HSDL1: variants seen among roughly 807,000 people sequenced by gnomAD.
HSDL1 encodes inactive hydroxysteroid dehydrogenase-like protein 1.
HSDL1 carries 29 observed loss-of-function variants against 31.5 expected under a neutral mutation model. The observed-to-expected ratio is 0.92, with a 90% CI of 0.69 to 1.26. The LOEUF is 1.26. Ranked by LOEUF, HSDL1 falls within the 50% of genes most tolerant of loss-of-function variation. The pLI is 0.00. For missense variants in HSDL1, 503 were observed against 416.6 expected (o/e 1.21, Z -1.81); for synonymous variants, 222 against 155.2 (o/e 1.43, Z -3.20).
intron 1 of HSDL1, among the ~76,000 whole-genome samples, chr16:84,140,908 G>T (rs1002511513): frequency 3.9e-5 from 6 of 151,940 alleles, no homozygotes; most frequent in African/African-American, 7.3e-5. Flanking sequence ...TCGAGACCAC[G>T]GTGAAACCCC....
At position 84,130,270 on chromosome 16, in the gene HSDL1, T is replaced by C. The variant is rs1274004478; in HGVS notation, c.382A>G (p.Ser128Gly). ...ETDIIVADFS[S>G]GREIYLPIRE... Reference sequence around the variant, plus strand: ...ATTGGAAGGTAGATCTCACGACCGCTGCTGAAGTCCGCAACTATAATATCA... The same window carrying C: ...ATTGGAAGGTAGATCTCACGACCGCCGCTGAAGTCCGCAACTATAATATCA... The change falls in exon 4 of 6, where the codon AGC becomes GGC. Residue 128 changes from serine to glycine, a missense_variant. Ser to Gly is a moderately conservative substitution (Grantham distance 56, BLOSUM62 0). Transcript: ENST00000219439. 1.2e-6 allele frequency: 2 copies of C among 1,614,136 alleles called. No homozygotes were observed. Among genetic ancestry groups the C allele is most frequent in the South Asian group, 2.2e-5 (2 of 91,092 alleles).
chr16:84,142,719 G>A (rs1393944568), intron 1 of HSDL1, among the ~76,000 whole-genome samples: 21 of 151,850 alleles, frequency 1.4e-4, no homozygotes, highest in Admixed American at 9.8e-4. Context: ...ACTGGGATGT[G>A]ACCGGCCGGA....
chr16:84,124,877 C>T (rs1255967318), intron 5 of HSDL1, 149 bp from the exon 6 acceptor site: 1 of 553,024 alleles, frequency 1.8e-6, no homozygotes, highest in African/African-American at 1.9e-5. Context: ...CAACAAATAC[C>T]CACCAATCAA....
intron 2 of HSDL1, among the ~76,000 whole-genome samples, chr16:84,131,817 C>A (rs1459165368): frequency 6.6e-6 from 1 of 152,094 alleles, no homozygotes; most frequent in Admixed American, 6.6e-5. Flanking sequence ...GTAGCTGGGA[C>A]TACAGGCGCC....
intron 1 of HSDL1, among the ~76,000 whole-genome samples, chr16:84,144,877 G>C (rs1315483081): frequency 6.6e-6 from 1 of 151,736 alleles, no homozygotes; most frequent in African/African-American, 2.4e-5. Flanking sequence ...GAGTCTCACG[G>C]GACGGAGGGA....
intron 1 of HSDL1, among the ~76,000 whole-genome samples, chr16:84,136,343 A>C (rs1293659525): frequency 1.3e-5 from 2 of 152,208 alleles, no homozygotes; most frequent in Non-Finnish European, 2.9e-5. Flanking sequence ...ACTGCATTGC[A>C]ACTGTTCTGT....
In HSDL1 at chr16:84,123,974, A is replaced by C. The variant is rs2086578625; in HGVS notation, c.*656T>G. ...GAAAAGGAATAATCTAGATTGTTTT[A>C]ATACCCTATAAGAGTCCATGTTAAG... is the stretch of plus-strand genomic sequence containing the variant. On this transcript the variant is annotated 3_prime_UTR_variant, in exon 6 of 6. Transcript: ENST00000219439. 1 of 152,224 alleles carries C rather than the reference A, an allele frequency of 6.6e-6. No individual in the cohort carries two copies. 9.4% of individuals were successfully genotyped at this position (152,224 alleles called of 1,614,324 possible).
chr16:84,140,174 A>G (rs1009569867), intron 1 of HSDL1, among the ~76,000 whole-genome samples: 7 of 152,068 alleles, frequency 4.6e-5, no homozygotes, highest in Non-Finnish European at 1.0e-4. Context: ...TAAACACTCA[A>G]CTTGCTTATA....
chr16:84,139,889 A>C (rs1156240192), intron 1 of HSDL1, among the ~76,000 whole-genome samples: 2 of 152,142 alleles, frequency 1.3e-5, no homozygotes, highest in Non-Finnish European at 2.9e-5. Flanking sequence ...TTCATTGATG[A>C]AAACATTTTT....
intron 1 of HSDL1, among the ~76,000 whole-genome samples, chr16:84,136,779 T>C (rs146333595): frequency 1.3e-5 from 2 of 152,328 alleles, no homozygotes; most frequent in East Asian, 3.9e-4. Flanking sequence ...TTATTGTTGC[T>C]ATGTATATTT....
intron 5 of HSDL1, among the ~76,000 whole-genome samples, chr16:84,126,407 C>T (rs1329404058): frequency 2.0e-5 from 3 of 152,098 alleles, no homozygotes; most frequent in Non-Finnish European, 4.4e-5. Flanking sequence ...GGTCGTCACA[C>T]TGGGAGTGGA....
In HSDL1 at chr16:84,124,643, G is replaced by C. The variant is rs4378600; in HGVS notation, c.980C>G (p.Ser327Cys). 459,218 of 1,608,954 alleles carry C rather than the reference G, an allele frequency of 0.29. 67,244 individuals carry two copies. The highest frequency in any genetic ancestry group is 0.3 in the Non-Finnish European group (350,176 of 1,175,444). ...LNRSLRKEAL[S>C]CTA ...GGCCATCCAGACTCAGGCTGTGCAG[G>C]ATAAGGCTTCCTTACGTAGTGAACG... is the stretch of plus-strand genomic sequence containing the variant. Residue 327 changes from serine (S) to cysteine (C), a missense_variant, in exon 6 of 6, where the codon TCC becomes TGC. Ser to Cys is a moderately radical substitution (Grantham distance 112). Coordinates refer to ENST00000219439, the MANE Select transcript of HSDL1 (RefSeq NM_031463.5).
chr16:84,130,367 G>A lies in HSDL1; in HGVS notation c.285C>T (p.Ile95=), dbSNP rs1457984924. ...ACTTCTCCTCGTTCCGACTAATCAG[G>A]ATTATATTGAGACCTCGGCTTGCTA... ...EELASRGLNI[I]LISRNEEKLQ... is the part of the protein sequence containing the mutation. Residue 95 remains isoleucine (I), a synonymous_variant, in exon 4 of 6, where the codon ATC becomes ATT. Transcript: ENST00000219439. The A allele has an allele frequency of 8.7e-6, 14 of 1,613,990 alleles. No homozygotes were observed. The African/African-American group carries it at 1.9e-4, about 22-fold the overall frequency.
intron 1 of HSDL1, among the ~76,000 whole-genome samples, chr16:84,135,933 G>C (rs1005426270): frequency 6.6e-6 from 1 of 152,198 alleles, no homozygotes; most frequent in Non-Finnish European, 1.5e-5. Context: ...GGAGCCCTTG[G>C]GGAAACACCG....
chr16:84,131,717 C>T (rs1007300227), intron 2 of HSDL1, among the ~76,000 whole-genome samples: 4 of 150,022 alleles, frequency 2.7e-5, no homozygotes, highest in Non-Finnish European at 4.4e-5. Flanking sequence ...GTCTCGCTGT[C>T]GCCCAGGCTG....
At chr16:84,135,633 T>C (rs1003272535) in intron 1 of HSDL1, 28 bp from the exon 2 acceptor site, 9 of 152,188 alleles carry the variant, frequency 5.9e-5, no homozygotes, top group African/African-American at 1.7e-4. Flanking sequence ...AAGAAACAAA[T>C]GCCTTTCCTC....
rs11448771 is a variant in HSDL1, at chr16:84,122,363, CT to C, written c.*2266del. 3.5e-3 allele frequency: 516 copies of C among 146,358 alleles called. No homozygotes were observed. Among genetic ancestry groups the C allele is most frequent in the African/African-American group, 6.7e-3 (270 of 40,046 alleles). The allele number at this position is 146,358 out of a possible 1,614,324, so 9.1% of individuals were successfully genotyped here. A position where few individuals can be genotyped will look rare whatever the true frequency, so the allele number is the denominator to read the frequency against. ...TTCAAAGGTTCATATTTCCCACGTT[CT>C]TTTTTTTTTTTTGAGACAGGGTCTC... is the stretch of plus-strand genomic sequence containing the variant. On this transcript the variant is annotated 3_prime_UTR_variant, in exon 6 of 6. Coordinates refer to ENST00000219439, the MANE Select transcript of HSDL1 (RefSeq NM_031463.5).
chr16:84,128,084 T>A (rs780486132), intron 5 of HSDL1, among the ~76,000 whole-genome samples: 13 of 150,280 alleles, frequency 8.7e-5, no homozygotes, highest in Non-Finnish European at 1.6e-4. Flanking sequence ...AGATCAGGAG[T>A]TCGAGACCAG....
intron 5 of HSDL1, among the ~76,000 whole-genome samples, chr16:84,125,647 A>C (rs2086599082): frequency 6.6e-6 from 1 of 152,266 alleles, no homozygotes; most frequent in Non-Finnish European, 1.5e-5. Context: ...TACTGTACTG[A>C]ATACCTACTT....
Sources: gnomAD v4.1 joint callset for allele counts (sites outside exome capture counted in the v4.1 genomes callset) on GRCh38, gnomAD v4.1.1 for gene constraint, MANE v1.5 for transcripts, NCBI Gene and HGNC (gene_info 2026-07-23, HGNC 2026-07-21) for gene names.